Variants in PKD1L1 observed in about 807,000 individuals in gnomAD.
PKD1L1 encodes the protein polycystin-1-like protein 1.
In PKD1L1, 236 loss-of-function variants were observed where a neutral mutation model predicts 323.4. That is an observed-to-expected ratio of 0.73 (90% confidence interval 0.66 to 0.81). PKD1L1 has a LOEUF of 0.81. PKD1L1 is among the 40% of genes least tolerant of loss of function. The pLI is 0.00. For missense variants in PKD1L1, 3,320 were observed against 3,508.0 expected, an observed-to-expected ratio of 0.95 and a Z score of 1.35; for synonymous variants, 1,344 against 1,335.0, an observed-to-expected ratio of 1.01 and a Z score of -0.15.
chr7:47,895,296 C>T (rs373469077), intron 14 of PKD1L1, among the ~76,000 whole-genome samples: 86 of 152,356 alleles, frequency 5.6e-4, no homozygotes, highest in East Asian at 3.3e-3. Context: ...AAGTGGCTCC[C>T]AGCTCATAGC....
the PKD1L1 span, among the ~76,000 whole-genome samples, chr7:47,959,478 C>T: frequency 8.1e-5 from 12 of 148,254 alleles, no homozygotes; most frequent in South Asian, 2.1e-4. Flanking sequence ...CCCGCCGCCC[C>T]GTCTGGGATG....
At chr7:47,956,226 G>C in the PKD1L1 span, among the ~76,000 whole-genome samples, 1 of 152,332 alleles carries the variant, frequency 6.6e-6, no homozygotes, top group African/African-American at 2.4e-5. Flanking sequence ...AGCCCACATA[G>C]CACCGCACTT....
rs748797130 is a variant in PKD1L1 at position 47,873,958 on chromosome 7, G to A, written c.3837C>T (p.Cys1279=). Reference sequence around the variant, plus strand: ...GGGGCAGCACAGTCACCACCACAGTGCACGGCTGGACCTTGGAGCCTTTGC... The same window carrying A: ...GGGGCAGCACAGTCACCACCACAGTACACGGCTGGACCTTGGAGCCTTTGC... ...TDGKGSKVQP[C]TVVVTVLPRY... Residue 1279 remains cysteine, a synonymous_variant, in exon 24 of 57, where the codon TGC becomes TGT. Coordinates refer to ENST00000289672, the MANE Select transcript of PKD1L1 (RefSeq NM_138295.5). 1.2e-6 allele frequency: 2 copies of A among 1,614,052 alleles called. No homozygotes were observed. The highest frequency in any genetic ancestry group is 2.2e-5 in the South Asian group (2 of 91,060).
Position 47,821,065 on chromosome 7 carries a change from A to C in PKD1L1, c.6965+11T>G. 6.5e-7 allele frequency: 1 copy of C among 1,542,382 alleles called. No homozygotes were observed. The highest frequency in any genetic ancestry group is 9.0e-7 in the Non-Finnish European group (1 of 1,114,990). The stretch of plus-strand genomic sequence containing the variant: ...GGCCCCAGATCTGGAAGAGTTACCC[A>C]AACCTCCTACCTTGTAAATTCTTTC... On this transcript the variant is annotated intron_variant, in intron 46 of 56. Coordinates refer to ENST00000289672, the MANE Select transcript of PKD1L1 (RefSeq NM_138295.5).
chr7:47,948,468 A>T (rs1562576478), upstream of PKD1L1: 2 of 1,612,972 alleles, frequency 1.2e-6, no homozygotes, highest in Non-Finnish European at 8.5e-7. Flanking sequence ...CACAAGTATG[A>T]CAGTCAGCAG....
intron 7 of PKD1L1, among the ~76,000 whole-genome samples, chr7:47,927,742 A>G (rs1787682602): frequency 6.6e-6 from 1 of 152,220 alleles, no homozygotes; most frequent in South Asian, 2.1e-4. Flanking sequence ...TGATCTCTAC[A>G]TCGTTCACAG....
At chr7:47,790,498 T>A (rs1486463207) in intron 56 of PKD1L1, among the ~76,000 whole-genome samples, 1 of 151,152 alleles carries the variant, frequency 6.6e-6, no homozygotes, top group African/African-American at 2.4e-5. Flanking sequence ...ACTCGGCTAA[T>A]TTTTTTGTAT....
chr7:47,948,591 A>G (rs1562576547), upstream of PKD1L1: 1 of 649,732 alleles, frequency 1.5e-6, no homozygotes, highest in Non-Finnish European at 2.7e-6. Flanking sequence ...GGAAAAATCC[A>G]AACTCCAGTA....
chr7:47,890,219 C>T (rs899332683), intron 16 of PKD1L1, among the ~76,000 whole-genome samples: 1 of 152,214 alleles, frequency 6.6e-6, no homozygotes, highest in African/African-American at 2.4e-5. Flanking sequence ...GGCTTCAGTC[C>T]CAAGCCCCAG....
At chr7:47,838,081 G>A (rs1308358660) in intron 36 of PKD1L1, among the ~76,000 whole-genome samples, 3 of 152,222 alleles carry the variant, frequency 2.0e-5, no homozygotes, top group Non-Finnish European at 2.9e-5. Flanking sequence ...CAGCCAAACA[G>A]TCATTCTCAC....
Position 47,836,909 on chromosome 7 carries a change from G to A in PKD1L1, c.5943+12C>T, listed in dbSNP as rs756910184. 6.1e-5 allele frequency: 98 copies of A among 1,610,984 alleles called. No homozygotes were observed. The highest frequency in any genetic ancestry group is 1.8e-4 in the Middle Eastern group (1 of 5,552). ...TCTGGAAGCTGCTATAAGGAAAAGC[G>A]ATGGCTCTCACCTGCTCTTGCCCTC... On this transcript the variant is annotated intron_variant, in intron 37 of 56. Coordinates refer to ENST00000289672, the MANE Select transcript of PKD1L1 (RefSeq NM_138295.5).
At chr7:47,899,955 C>CAA (rs10639721) in intron 13 of PKD1L1, among the ~76,000 whole-genome samples, 6 of 106,502 alleles carry the variant, frequency 5.6e-5, no homozygotes, top group East Asian at 3.2e-4. Flanking sequence ...GACTCCATCC[C>CAA]AAAAAAAAAA....
chr7:47,836,859 A>T, intron 37 of PKD1L1, 62 bp downstream of exon 37: 4 of 1,532,842 alleles, frequency 2.6e-6, no homozygotes, highest in South Asian at 1.2e-5. Context: ...TTTCTTAGGC[A>T]AAAAGGGGCC....
At chr7:47,884,705 C>T (rs1213369026) in intron 18 of PKD1L1, 48 bp from the exon 19 acceptor site, 3 of 1,512,714 alleles carry the variant, frequency 2.0e-6, no homozygotes, top group Non-Finnish European at 2.8e-6. Context: ...ATCACAGAAT[C>T]CCCTGAAATT....
rs145638716 is a variant in PKD1L1, at chr7:47,943,397, G to A, written c.159C>T (p.Val53=). 46 of 1,611,624 alleles carry A rather than the reference G, an allele frequency of 2.9e-5. No homozygotes were observed. Among genetic ancestry groups the A allele is most frequent in the Admixed American group, 2.3e-4 (14 of 59,892 alleles). The change falls in exon 2 of 57, where the codon GTC becomes GTT. Residue 53 remains valine (V), a splice_region_variant and synonymous_variant. Transcript: ENST00000289672. The part of the protein sequence containing the change: ...SCSPPGGGLW[V]EVYANHVLLM... ...ATGCCTCCTTCCCCAAGGCCTTACC[G>A]ACCCACAATCCACCTCCAGGAGGGC...
At chr7:47,904,736 A>C in intron 11 of PKD1L1, 119 bp from the exon 12 acceptor site, 1 of 1,250,744 alleles carries the variant, frequency 8.0e-7, no homozygotes, top group Admixed American at 2.8e-5. Flanking sequence ...GGCAGCATTT[A>C]ATTTGTAAGA....
intron 37 of PKD1L1, among the ~76,000 whole-genome samples, 189 bp downstream of exon 37, chr7:47,836,732 G>A (rs1038126072): frequency 2.6e-5 from 4 of 152,136 alleles, no homozygotes; most frequent in Non-Finnish European, 5.9e-5. Context: ...TCAGAGCTGT[G>A]CAGGGCCACC....
At position 47,877,557 on chromosome 7, in the gene PKD1L1, GAC is replaced by G. The variant is rs1263255827; in HGVS notation, c.3593_3594del (p.Cys1198SerfsTer28). The G allele has an allele frequency of 7.4e-6, 12 of 1,613,958 alleles. No individual in the cohort carries two copies. In the African/African-American group the frequency reaches 1.5e-4, roughly 20 times the overall value. On this transcript the variant is annotated frameshift_variant, in exon 22 of 57. Coordinates refer to ENST00000289672, the MANE Select transcript of PKD1L1 (RefSeq NM_138295.5). LOFTEE classifies it high-confidence loss of function. ...TCCAGACCATGGTGGGGCTGCACCT[GAC>G]AGGCCATGTCCCGAGGAGCCGGGTT... is the stretch of plus-strand genomic sequence containing the variant. ...TVNPAPRDMA[C>X]QVQPHHGLEA...
intron 26 of PKD1L1, among the ~76,000 whole-genome samples, chr7:47,864,226 C>T (rs114724548): frequency 1.3e-5 from 2 of 152,230 alleles, no homozygotes; most frequent in African/African-American, 4.8e-5. Context: ...GAGGAGAGCT[C>T]CACACAAATA....
Sources: allele counts gnomAD v4.1 joint callset (sites outside exome capture counted in the v4.1 genomes callset), GRCh38; gene constraint gnomAD v4.1.1; transcripts MANE v1.5; gene names NCBI Gene and HGNC (gene_info 2026-07-23, HGNC 2026-07-21).